Variants in BABAM2 observed in about 807,000 individuals in gnomAD.
The protein encoded by BABAM2 is BRISC and BRCA1 A complex member 2, also known as BRISC and BRCA1-A complex member 2.
A neutral mutation model predicts 54.7 loss-of-function variants in BABAM2; 31 were observed. The observed-to-expected ratio is 0.57, with a 90% CI of 0.43 to 0.77. BABAM2 has a LOEUF of 0.77. BABAM2 is among the 30% of genes least tolerant of loss of function. BABAM2 has a pLI of 0.00. For synonymous variants in BABAM2, 167 were observed against 162.9 expected (o/e 1.03, Z -0.19); for missense variants, 364 against 455.8 (o/e 0.80, Z 1.83).
intron 11 of BABAM2, among the ~76,000 whole-genome samples, chr2:28,317,495 A>C (rs1391708084): frequency 6.6e-6 from 1 of 152,226 alleles, no homozygotes; most frequent in Admixed American, 6.5e-5. Flanking sequence ...GACCAGCTTC[A>C]TCTGAACACT....
At chr2:28,303,383 G>A (rs1688261459) in intron 11 of BABAM2, among the ~76,000 whole-genome samples, 1 of 152,090 alleles carries the variant, frequency 6.6e-6, no homozygotes, top group African/African-American at 2.4e-5. Context: ...TAGATGCCAA[G>A]GTTAATTTTT....
chr2:28,158,662 C>T (rs568087343), intron 7 of BABAM2, among the ~76,000 whole-genome samples: 1 of 152,322 alleles, frequency 6.6e-6, no homozygotes, highest in Non-Finnish European at 1.5e-5. Context: ...AGTCAAATTC[C>T]TTCTTTCAGC....
intron 3 of BABAM2, among the ~76,000 whole-genome samples, chr2:27,968,471 G>A (rs1055148992): frequency 3.3e-5 from 5 of 152,222 alleles, no homozygotes; most frequent in Admixed American, 3.3e-4. Context: ...CCCTCATGGA[G>A]AACCTCTGCT....
intron 7 of BABAM2, among the ~76,000 whole-genome samples, chr2:28,193,655 C>A (rs1677187965): frequency 6.6e-6 from 1 of 152,172 alleles, no homozygotes; most frequent in African/African-American, 2.4e-5. Context: ...GGTATATAAT[C>A]TTTTCAATTT....
At chr2:28,310,895 TAAAG>T (rs1296536067) in intron 11 of BABAM2, among the ~76,000 whole-genome samples, 3 of 143,338 alleles carry the variant, frequency 2.1e-5, no homozygotes, top group African/African-American at 7.8e-5. Context: ...AAAATAAAAA[TAAAG>T]AAAAAAAGAG....
At chr2:28,012,782 C>G (rs1232020188) in intron 4 of BABAM2, among the ~76,000 whole-genome samples, 2 of 152,072 alleles carry the variant, frequency 1.3e-5, no homozygotes, top group African/African-American at 4.8e-5. Context: ...GGAGGGTATT[C>G]TTTTCATTCC....
intron 10 of BABAM2, among the ~76,000 whole-genome samples, chr2:28,260,749 C>A (rs1684428059): frequency 6.6e-6 from 1 of 152,186 alleles, no homozygotes; most frequent in South Asian, 2.1e-4. Context: ...AGGAGAATTG[C>A]CATCTTGGAA....
chr2:28,110,554 G>A (rs1573598470), intron 6 of BABAM2, among the ~76,000 whole-genome samples: 2 of 152,022 alleles, frequency 1.3e-5, no homozygotes, highest in South Asian at 4.2e-4. Context: ...AACCCGGGAA[G>A]TGGAGGTTGC....
At chr2:28,206,960 G>A (rs1022822917) in intron 7 of BABAM2, among the ~76,000 whole-genome samples, 1 of 152,178 alleles carries the variant, frequency 6.6e-6, no homozygotes, top group Non-Finnish European at 1.5e-5. Context: ...TGCTGGCTGT[G>A]TGCCAAGCAC....
chr2:28,285,218 C>T (rs1686691011), intron 10 of BABAM2, among the ~76,000 whole-genome samples: 1 of 152,128 alleles, frequency 6.6e-6, no homozygotes, highest in South Asian at 2.1e-4. Flanking sequence ...AAGTTTTTTC[C>T]AGTCTTGGGA....
In BABAM2 at chr2:28,275,584, T is replaced by C. The variant is rs572059610; in HGVS notation, c.935-22754T>C. Among the ~76,000 whole-genome samples, 80 of 152,240 alleles carry C rather than the reference T, an allele frequency of 5.3e-4. 1 individual carries two copies. Among genetic ancestry groups the C allele is most frequent in the African/African-American group, 1.7e-3 (72 of 41,534 alleles). On this transcript the variant is annotated intron_variant, in intron 10 of 11. Coordinates refer to ENST00000379624, the MANE Select transcript of BABAM2 (RefSeq NM_199191.3). ...TGGAGTACCAAAGCTTAGTTGTGTG[T>C]CTAGAGAATTCAGGGTGTGGTGAGT...
chr2:28,111,500 G>A (rs1441882485), intron 6 of BABAM2, among the ~76,000 whole-genome samples: 1 of 152,008 alleles, frequency 6.6e-6, no homozygotes, highest in East Asian at 1.9e-4. Context: ...AAATTTTCAT[G>A]AAGTACAATT....
chr2:28,336,972 T>C (rs991763271), intron 11 of BABAM2, among the ~76,000 whole-genome samples: 3 of 152,198 alleles, frequency 2.0e-5, no homozygotes, highest in African/African-American at 4.8e-5. Flanking sequence ...TCCTGGGAGC[T>C]GGCAGCTGGT....
rs546861036 is a variant in BABAM2 at position 28,151,590 on chromosome 2, A to T, written c.680+22210A>T. 2.0e-5 allele frequency among the ~76,000 whole-genome samples: 3 copies of T among 152,286 alleles called. No homozygotes were observed. The South Asian group carries it at 6.2e-4, about 32-fold the overall frequency. On this transcript the variant is annotated intron_variant, in intron 7 of 11. Coordinates refer to ENST00000379624, the MANE Select transcript of BABAM2 (RefSeq NM_199191.3). ...AACTCCATCTCAAAAAAAAGAAAAGAAAAGAAAAGAAAAAAGCATCCCTTC... is the reference window on the plus strand; with the variant it reads ...AACTCCATCTCAAAAAAAAGAAAAGTAAAGAAAAGAAAAAAGCATCCCTTC...
chr2:28,130,092 G>A (rs1357716547), intron 7 of BABAM2, among the ~76,000 whole-genome samples: 1 of 152,158 alleles, frequency 6.6e-6, no homozygotes, highest in African/African-American at 2.4e-5. Context: ...ATTTGGTTGG[G>A]AACTTCTGAC....
chr2:28,161,274 C>T (rs528647249), intron 7 of BABAM2, among the ~76,000 whole-genome samples: 1 of 152,072 alleles, frequency 6.6e-6, no homozygotes, highest in Admixed American at 6.6e-5. Flanking sequence ...CTTGTACCAA[C>T]GGGCTTCACT....
chr2:27,926,739 T>C (rs1366619436), intron 2 of BABAM2, among the ~76,000 whole-genome samples: 6 of 152,122 alleles, frequency 3.9e-5, no homozygotes. Context: ...ATAAATCTTA[T>C]CTAAATGAAA....
chr2:28,117,753 G>A (rs557724727), intron 6 of BABAM2, among the ~76,000 whole-genome samples: 2 of 152,188 alleles, frequency 1.3e-5, no homozygotes, highest in Non-Finnish European at 2.9e-5. Flanking sequence ...TATTAGGACA[G>A]GAAGCTCTTT....
chr2:27,908,366 G>T (rs10201105), intron 2 of BABAM2, among the ~76,000 whole-genome samples: 9 of 151,562 alleles, frequency 5.9e-5, no homozygotes, highest in Non-Finnish European at 1.0e-4. Flanking sequence ...CAACCTCCTG[G>T]GCTCAAGCAA....
Sources: gnomAD v4.1 joint callset for allele counts (sites outside exome capture counted in the v4.1 genomes callset) on GRCh38, gnomAD v4.1.1 for gene constraint, MANE v1.5 for transcripts, NCBI Gene and HGNC (gene_info 2026-07-23, HGNC 2026-07-21) for gene names.